The following HNF4G variants were observed in gnomAD, a reference collection of about 807,000 sequenced individuals.
HNF4G encodes the protein hepatocyte nuclear factor 4-gamma.
A neutral mutation model predicts 50.9 loss-of-function variants in HNF4G; 21 were observed. The observed-to-expected ratio is 0.41, with a 90% CI of 0.29 to 0.59. The LOEUF (loss-of-function observed/expected upper bound fraction) is 0.59. HNF4G is among the 20% of genes least tolerant of loss of function. The pLI is 0.26. For missense variants in HNF4G, 527 were observed against 559.4 expected (o/e 0.94, Z 0.58); for synonymous variants, 198 against 185.6 (o/e 1.07, Z -0.54).
At chr8:75,442,012 T>A (rs757363905) in intron 1 of HNF4G, among the ~76,000 whole-genome samples, 3 of 152,222 alleles carry the variant, frequency 2.0e-5, no homozygotes, top group Non-Finnish European at 4.4e-5. Flanking sequence ...TTAACATAGA[T>A]GAATCTTATA....
At chr8:75,546,824 C>T (rs990256964) in intron 2 of HNF4G, among the ~76,000 whole-genome samples, 1 of 152,068 alleles carries the variant, frequency 6.6e-6, no homozygotes, top group Non-Finnish European at 1.5e-5. Context: ...AATAATGCTG[C>T]TGTGTACATT....
chr8:75,449,519 T>TTG (rs1285794495), intron 1 of HNF4G, among the ~76,000 whole-genome samples: 1 of 147,660 alleles, frequency 6.8e-6, no homozygotes, highest in Non-Finnish European at 1.5e-5. Context: ...CTTTTTTTTT[T>TTG]TTTTTGAGAC....
chr8:75,439,690 A>G (rs1811228356), intron 1 of HNF4G, among the ~76,000 whole-genome samples: 1 of 152,080 alleles, frequency 6.6e-6, no homozygotes, highest in African/African-American at 2.4e-5. Context: ...AAGAGTTCAC[A>G]TATATTAAAT....
intron 1 of HNF4G, among the ~76,000 whole-genome samples, chr8:75,541,475 C>T (rs991474362): frequency 8.6e-5 from 13 of 152,004 alleles, no homozygotes; most frequent in African/African-American, 3.1e-4. Flanking sequence ...GCATTTTAAT[C>T]CTATGTCACA....
At chr8:75,428,107 A>C (rs1325547209) in intron 1 of HNF4G, among the ~76,000 whole-genome samples, 3 of 152,234 alleles carry the variant, frequency 2.0e-5, no homozygotes, top group Non-Finnish European at 4.4e-5. Context: ...ACTCATCAAC[A>C]TGAGTAATAA....
At position 75,543,845 on chromosome 8, in the gene HNF4G, A is replaced by C; in HGVS notation, c.153A>C (p.Thr51=). The C allele has an allele frequency of 6.2e-7, 1 of 1,613,288 alleles. No homozygotes were observed. Residue 51 remains threonine, a synonymous_variant, in exon 2 of 10, where the codon ACA becomes ACC. Coordinates refer to ENST00000396423, the MANE Select transcript of HNF4G (RefSeq NM_004133.5). ...CCCCAGAGACAAGTATGAATACCAC[A>C]GACAACGGTGTCAACTGTCTGTGTG... The part of the protein sequence containing the change: ...SSAPETSMNT[T]DNGVNCLCAI...
chr8:75,432,894 A>T (rs550213231), intron 1 of HNF4G, among the ~76,000 whole-genome samples: 1 of 152,294 alleles, frequency 6.6e-6, no homozygotes, highest in African/African-American at 2.4e-5. Context: ...AAACATTTAG[A>T]CAGTTCTGGG....
intron 2 of HNF4G, among the ~76,000 whole-genome samples, chr8:75,529,786 T>C (rs1343291031): frequency 3.3e-5 from 5 of 152,194 alleles, no homozygotes; most frequent in Non-Finnish European, 7.3e-5. Context: ...GGACTCCTGT[T>C]GTATTTTTTA....
intron 1 of HNF4G, among the ~76,000 whole-genome samples, chr8:75,466,494 C>T (rs867625968): frequency 6.6e-5 from 10 of 150,724 alleles, no homozygotes; most frequent in Non-Finnish European, 1.0e-4. Context: ...CCCTCTGTCC[C>T]TTCCTCCCTC....
In HNF4G at chr8:75,509,123, A is replaced by C. The variant is rs150789128; in HGVS notation, c.-24+18915A>C. 2.0e-5 allele frequency among the ~76,000 whole-genome samples: 3 copies of C among 152,316 alleles called. No individual in the cohort carries two copies. The East Asian group carries it at 5.8e-4, about 29-fold the overall frequency. On this transcript the variant is annotated intron_variant, in intron 2 of 10. Transcript: ENST00000354370. ...ATTTACAAGTCAGCTGAGGTCTGTA[A>C]GGAGAGAAATCAGAAGAGGATTGGC...
intron 2 of HNF4G, among the ~76,000 whole-genome samples, chr8:75,525,693 CAAAACGCACTCTAAGAAA>C (rs1806158063): frequency 6.6e-6 from 1 of 152,012 alleles, no homozygotes; most frequent in African/African-American, 2.4e-5. Flanking sequence ...GTATGTGACA[CAAAACGCACTCTAAGAAA>C]AAAAGGGTTA....
intron 4 of HNF4G, 114 bp from the exon 5 acceptor site, chr8:75,552,928 A>G (rs1213365227): frequency 1.6e-6 from 1 of 614,322 alleles, no homozygotes; most frequent in Non-Finnish European, 2.8e-6. Context: ...AAGATACTGT[A>G]ACAACAATAG....
intron 1 of HNF4G, among the ~76,000 whole-genome samples, chr8:75,480,917 A>T (rs1812362204): frequency 6.6e-6 from 1 of 151,924 alleles, no homozygotes; most frequent in South Asian, 2.1e-4. Context: ...GAGTTTCGCC[A>T]TGTTGGGCAG....
At chr8:75,440,249 T>C (rs1415140835) in intron 1 of HNF4G, among the ~76,000 whole-genome samples, 1 of 152,216 alleles carries the variant, frequency 6.6e-6, no homozygotes, top group Non-Finnish European at 1.5e-5. Flanking sequence ...AGTTCCTAGC[T>C]GTATTTGTTC....
chr8:75,435,935 A>G (rs1811126530), intron 1 of HNF4G, among the ~76,000 whole-genome samples: 1 of 152,178 alleles, frequency 6.6e-6, no homozygotes, highest in Non-Finnish European at 1.5e-5. Flanking sequence ...AGGACTTCCT[A>G]TTTTAAAAGA....
chr8:75,485,299 A>C (rs543257298), intron 1 of HNF4G, among the ~76,000 whole-genome samples: 7 of 152,340 alleles, frequency 4.6e-5, no homozygotes, highest in African/African-American at 1.7e-4. Context: ...TCAAGTGTGA[A>C]TATTTTGACA....
At chr8:75,451,832 G>T (rs1811592204) in intron 1 of HNF4G, among the ~76,000 whole-genome samples, 1 of 152,216 alleles carries the variant, frequency 6.6e-6, no homozygotes, top group East Asian at 1.9e-4. Flanking sequence ...CAGACAATTT[G>T]GTAGTTTTAT....
chr8:75,439,965 C>G (rs948034181), intron 1 of HNF4G, among the ~76,000 whole-genome samples: 2 of 151,656 alleles, frequency 1.3e-5, no homozygotes, highest in Non-Finnish European at 2.9e-5. Context: ...TTTCCAGTTT[C>G]CACATACAGT....
intron 2 of HNF4G, 113 bp downstream of exon 2, chr8:75,544,092 A>C: frequency 1.1e-6 from 1 of 903,638 alleles, no homozygotes; most frequent in African/African-American, 1.7e-5. Flanking sequence ...CTATAAATAC[A>C]ATCTCTAAAC....
Sources: allele counts gnomAD v4.1 joint callset (sites outside exome capture counted in the v4.1 genomes callset), GRCh38; gene constraint gnomAD v4.1.1; transcripts MANE v1.5; gene names NCBI Gene and HGNC (gene_info 2026-07-23, HGNC 2026-07-21).